Variants in KDM4B observed in about 807,000 individuals in gnomAD.
KDM4B encodes the protein lysine demethylase 4B.
Under a neutral mutation model 125.2 loss-of-function variants are expected in KDM4B, and 32 were observed. That is an observed-to-expected ratio of 0.26 (90% CI 0.19 to 0.34). The LOEUF is 0.34. Among genes scored for constraint, KDM4B ranks in the 10% least tolerant of loss-of-function variants. The probability of loss-of-function intolerance (pLI) is 1.00; values close to 1 mark genes in which losing one functional copy is unlikely to be tolerated. For synonymous variants in KDM4B, 721 were observed against 677.9 expected (o/e 1.06, Z -0.99); for missense variants, 1,190 against 1,577.7 (o/e 0.75, Z 4.16).
intron 6 of KDM4B, among the ~76,000 whole-genome samples, chr19:5,061,075 G>A (rs897731419): frequency 6.6e-6 from 1 of 152,202 alleles, no homozygotes; most frequent in South Asian, 2.1e-4. Flanking sequence ...CCCCGGTTCC[G>A]GAGGGCCAGT....
chr19:5,001,714 C>G (rs2035392395), intron 1 of KDM4B, among the ~76,000 whole-genome samples: 1 of 152,208 alleles, frequency 6.6e-6, no homozygotes, highest in Non-Finnish European at 1.5e-5. Context: ...CCTGGTTCCC[C>G]TGCCTCGCCA....
At chr19:5,083,472 C>G (rs2038369466) in intron 9 of KDM4B, among the ~76,000 whole-genome samples, 1 of 152,198 alleles carries the variant, frequency 6.6e-6, no homozygotes. Flanking sequence ...CAGGTCTAGC[C>G]CTTTCCTGGC....
At chr19:5,062,005 C>T (rs1222030567) in intron 6 of KDM4B, among the ~76,000 whole-genome samples, 1 of 152,210 alleles carries the variant, frequency 6.6e-6, no homozygotes, top group South Asian at 2.1e-4. Flanking sequence ...CAGGGCTGGC[C>T]CCGCAGAATG....
chr19:5,144,397 C>T lies in KDM4B; in HGVS notation c.2886C>T (p.Tyr962=), dbSNP rs1599271765. The T allele has an allele frequency of 6.4e-7, 1 of 1,564,382 alleles. No individual in the cohort carries two copies. The highest frequency in any genetic ancestry group is 8.7e-7 in the Non-Finnish European group (1 of 1,154,252). Residue 962 remains tyrosine, a synonymous_variant, in exon 20 of 23, where the codon TAC becomes TAT. Transcript: ENST00000159111. ...FDDGSYSDNL[Y]PESITSRDCV... ...ATGGCTCCTACAGCGACAACCTGTA[C>T]CCTGAGAGCATCACGGTGAGCTGTG...
At chr19:5,102,780 G>A (rs916780819) in intron 9 of KDM4B, among the ~76,000 whole-genome samples, 2 of 152,184 alleles carry the variant, frequency 1.3e-5, no homozygotes, top group African/African-American at 4.8e-5. Flanking sequence ...TGTGGCCTGT[G>A]GATGCCGCCC....
intron 9 of KDM4B, among the ~76,000 whole-genome samples, chr19:5,088,770 A>T (rs2038593669): frequency 6.6e-6 from 1 of 150,856 alleles, no homozygotes; most frequent in Admixed American, 6.7e-5. Context: ...TGCCAGCTTC[A>T]TCCGCACATC....
chr19:5,063,937 A>C (rs1378744940), intron 6 of KDM4B, among the ~76,000 whole-genome samples: 3 of 151,996 alleles, frequency 2.0e-5, no homozygotes, highest in African/African-American at 7.3e-5. Flanking sequence ...ATGTCGGCTG[A>C]GGGGCTCGTG....
At chr19:5,113,688 CCTCCACCCA>C (rs1324481869) in intron 10 of KDM4B, among the ~76,000 whole-genome samples, 1 of 152,144 alleles carries the variant, frequency 6.6e-6, no homozygotes, top group Admixed American at 6.5e-5. Flanking sequence ...GTATCCCTGG[CCTCCACCCA>C]CTCCATGCCA....
intron 1 of KDM4B, among the ~76,000 whole-genome samples, chr19:5,015,397 GCACAT>G (rs1292980814): frequency 6.6e-6 from 1 of 151,922 alleles, no homozygotes; most frequent in Non-Finnish European, 1.5e-5. Flanking sequence ...GATTACAGGT[GCACAT>G]CACCACGCCC....
intron 6 of KDM4B, 152 bp downstream of exon 6, chr19:5,047,821 C>T: frequency 4.2e-6 from 3 of 718,410 alleles, no homozygotes; most frequent in Non-Finnish European, 6.8e-6. Flanking sequence ...TCCGGACCGC[C>T]TGGGGTCACC....
chr19:5,027,518 C>T (rs1053046885), intron 2 of KDM4B, among the ~76,000 whole-genome samples: 1 of 151,792 alleles, frequency 6.6e-6, no homozygotes, highest in Admixed American at 6.6e-5. Context: ...CATTCTTCCT[C>T]CCTCCCTTTC....
intron 5 of KDM4B, among the ~76,000 whole-genome samples, chr19:5,044,961 G>T (rs263047): frequency 0.76 from 115,957 of 152,142 alleles, 44,942 homozygotes; most frequent in African/African-American, 0.84. Context: ...AATACTCCAT[G>T]GTCCGGGTGC....
At chr19:4,987,695 G>C (rs1317482828) in intron 1 of KDM4B, among the ~76,000 whole-genome samples, 1 of 152,222 alleles carries the variant, frequency 6.6e-6, no homozygotes, top group Non-Finnish European at 1.5e-5. Flanking sequence ...AAAGTGCTGG[G>C]ATGATGGGCG....
At chr19:5,122,882 C>A (rs562561235) in intron 11 of KDM4B, among the ~76,000 whole-genome samples, 1 of 152,224 alleles carries the variant, frequency 6.6e-6, no homozygotes, top group Non-Finnish European at 1.5e-5. Context: ...GCCGGTGCAG[C>A]GGGCAGCCCA....
chr19:4,994,370 G>C (rs1393184338), intron 1 of KDM4B, among the ~76,000 whole-genome samples: 2 of 151,790 alleles, frequency 1.3e-5, no homozygotes, highest in African/African-American at 4.8e-5. Flanking sequence ...TTGGGAGTTT[G>C]AGACCAGGCT....
chr19:4,976,328 C>T (rs978129266), intron 1 of KDM4B, among the ~76,000 whole-genome samples: 2 of 151,148 alleles, frequency 1.3e-5, no homozygotes, highest in African/African-American at 2.4e-5. Context: ...GCGATGCTGA[C>T]ATCCACCCAG....
intron 7 of KDM4B, 150 bp downstream of exon 7, chr19:5,071,209 AT>A (rs1188354719): frequency 1.5e-6 from 1 of 674,600 alleles, no homozygotes. Context: ...TTACTGTGTG[AT>A]TTTTTCCATT....
intron 11 of KDM4B, among the ~76,000 whole-genome samples, chr19:5,125,989 G>T (rs2039442930): frequency 6.6e-6 from 1 of 152,336 alleles, no homozygotes; most frequent in Non-Finnish European, 1.5e-5. Context: ...ATGCCACAGT[G>T]CTGCGGGAAA....
chr19:5,085,223 T>A (rs1454536009), intron 9 of KDM4B, among the ~76,000 whole-genome samples: 1 of 152,212 alleles, frequency 6.6e-6, no homozygotes, highest in African/African-American at 2.4e-5. Context: ...AAGTCTCGAA[T>A]GTCTCTAGTG....
Sources: gnomAD v4.1 joint callset for allele counts (sites outside exome capture counted in the v4.1 genomes callset) on GRCh38, gnomAD v4.1.1 for gene constraint, MANE v1.5 for transcripts, NCBI Gene and HGNC (gene_info 2026-07-23, HGNC 2026-07-21) for gene names.